ACVR2A: variants seen among roughly 807,000 people sequenced by gnomAD.
ACVR2A encodes the protein activin A receptor type 2A.
ACVR2A carries 7 observed loss-of-function variants against 61.4 expected under a neutral mutation model. The ratio of observed to expected loss-of-function variants is 0.11; its 90% confidence interval spans 0.06 to 0.21. ACVR2A has a LOEUF of 0.21. Ranked by LOEUF, ACVR2A falls within the 10% of genes least tolerant of loss-of-function variation. ACVR2A has a pLI of 1.00. For missense variants in ACVR2A, 322 were observed against 621.7 expected, an observed-to-expected ratio of 0.52 and a Z score of 5.13; for synonymous variants, 193 against 208.3, an observed-to-expected ratio of 0.93 and a Z score of 0.63.
chr2:147,862,811 T>G (rs951347658), intron 1 of ACVR2A, among the ~76,000 whole-genome samples: 1 of 152,142 alleles, frequency 6.6e-6, no homozygotes, highest in Non-Finnish European at 1.5e-5. Flanking sequence ...GTGCCAGAAT[T>G]TTACATTATT....
chr2:147,857,679 C>G (rs1052671311), intron 1 of ACVR2A, among the ~76,000 whole-genome samples: 1 of 152,024 alleles, frequency 6.6e-6, no homozygotes, highest in Non-Finnish European at 1.5e-5. Context: ...TTGTGCCTGT[C>G]TACCACAGTA....
At chr2:147,845,348 G>GGCCCCCCCCCCCCCCCC (rs1685281662) in intron 1 of ACVR2A, 141 bp downstream of exon 1, 1 of 231,112 alleles carries the variant, frequency 4.3e-6, no homozygotes, top group Non-Finnish European at 6.9e-6. Context: ...GGCTGCCACC[G>GGCCCCCCCCCCCCCCCC]CCCCCCCCCC....
At chr2:147,844,707 G>A (rs1407045973), upstream of ACVR2A, 1 of 150,582 alleles carries the variant, frequency 6.6e-6, no homozygotes, top group African/African-American at 2.4e-5. Context: ...TGGGTTGAAG[G>A]TCGGTCCGGA....
intron 1 of ACVR2A, among the ~76,000 whole-genome samples, chr2:147,889,126 CTT>C (rs1686516049): frequency 6.6e-6 from 1 of 151,792 alleles, no homozygotes; most frequent in South Asian, 2.1e-4. Context: ...ATTTTTGAAT[CTT>C]GAGACAGCCA....
chr2:147,872,258 T>G (rs1001736847), intron 1 of ACVR2A, among the ~76,000 whole-genome samples: 3 of 152,028 alleles, frequency 2.0e-5, no homozygotes, highest in Non-Finnish European at 4.4e-5. Context: ...AAGTAAGCCA[T>G]GCGTTGATGC....
chr2:147,859,932 C>A (rs1374377407), intron 1 of ACVR2A, among the ~76,000 whole-genome samples: 1 of 151,992 alleles, frequency 6.6e-6, no homozygotes, highest in Admixed American at 6.6e-5. Flanking sequence ...GTTGTTTTTC[C>A]TGTAGGAAAA....
In ACVR2A at chr2:147,852,690, G is replaced by T. The variant is rs1685476199; in HGVS notation, c.55+7483G>T. 4.6e-5 allele frequency among the ~76,000 whole-genome samples: 7 copies of T among 152,166 alleles called. 1 individual carries two copies. The highest frequency in any genetic ancestry group is 1.7e-4 in the African/African-American group (7 of 41,552). ...GAAACAACATTAGATTGTAATTTTG[G>T]GGAGTTGGGATTTTTTAATTTAGGA... On this transcript the variant is annotated intron_variant, in intron 1 of 10. Coordinates refer to ENST00000241416, the MANE Select transcript of ACVR2A (RefSeq NM_001616.5).
chr2:147,916,026 G>A (rs1344895711), intron 5 of ACVR2A, among the ~76,000 whole-genome samples: 1 of 151,844 alleles, frequency 6.6e-6, no homozygotes, highest in African/African-American at 2.4e-5. Flanking sequence ...GCTGGATTTG[G>A]TGTTGCAGGC....
Position 147,915,313 on chromosome 2 carries a change from T to G in ACVR2A, c.651T>G (p.Ala217=). ...WKAQLLNEYV[A]VKIFPIQDKQ... is the part of the protein sequence containing the mutation. ...CCCAGTTGCTTAACGAATATGTGGC[T>G]GTCAAAATATTTCCAATACAGGTAT... The change falls in exon 5 of 11, where the codon GCT becomes GCG. Residue 217 remains alanine (A), a synonymous_variant. Coordinates refer to ENST00000241416, the MANE Select transcript of ACVR2A (RefSeq NM_001616.5). The G allele has an allele frequency of 6.2e-7, 1 of 1,612,002 alleles. No individual in the cohort carries two copies. Among genetic ancestry groups the G allele is most frequent in the Non-Finnish European group, 8.5e-7 (1 of 1,178,500 alleles).
At chr2:147,914,738 C>T (rs1185738475) in intron 4 of ACVR2A, among the ~76,000 whole-genome samples, 1 of 151,934 alleles carries the variant, frequency 6.6e-6, no homozygotes, top group African/African-American at 2.4e-5. Context: ...AAAATTTAAA[C>T]AGTCACTGGA....
chr2:147,881,291 T>C (rs1016696884), intron 1 of ACVR2A, among the ~76,000 whole-genome samples: 1 of 152,214 alleles, frequency 6.6e-6, no homozygotes, highest in African/African-American at 2.4e-5. Context: ...GATTTTAAAA[T>C]CAGTGTCTTT....
chr2:147,926,277 AC>A lies in ACVR2A; in HGVS notation c.1347+117del, dbSNP rs556514068. 43 of 1,313,888 alleles carry A rather than the reference AC, an allele frequency of 3.3e-5. No homozygotes were observed. In the African/African-American group the frequency reaches 3.9e-4, roughly 12 times the overall value. The allele number at this position is 1,313,888 out of a possible 1,614,324, so 81.4% of individuals were successfully genotyped here. On this transcript the variant is annotated intron_variant, in intron 10 of 10. Transcript: ENST00000241416. Reference sequence around the variant, plus strand: ...AAGTATTTTCTGGAAGGTGATCTTCACACAGGATATTCTAGAGTTCTAGAGG... The same window carrying A: ...AAGTATTTTCTGGAAGGTGATCTTCAACAGGATATTCTAGAGTTCTAGAGG...
chr2:147,892,104 T>C (rs1454503093), intron 1 of ACVR2A, among the ~76,000 whole-genome samples: 1 of 152,046 alleles, frequency 6.6e-6, no homozygotes. Flanking sequence ...CCTGAGTAGC[T>C]GGGATTACAG....
Position 147,896,386 on chromosome 2 carries a change from T to C in ACVR2A, c.141T>C (p.Val47=), listed in dbSNP as rs761160738. The stretch of plus-strand genomic sequence containing the variant: ...AAGACAGAACCAATCAAACTGGTGT[T>C]GAACCGTGTTATGGTGACAAAGATA... ...WEKDRTNQTG[V]EPCYGDKDKR... The change falls in exon 2 of 11, where the codon GTT becomes GTC. Residue 47 remains valine (V), a synonymous_variant. Transcript: ENST00000241416. 1.4e-5 allele frequency: 23 copies of C among 1,613,904 alleles called. No homozygotes were observed. The highest frequency in any genetic ancestry group is 1.7e-5 in the Non-Finnish European group (20 of 1,179,948).
At chr2:147,889,334 CTT>C (rs1292554233) in intron 1 of ACVR2A, among the ~76,000 whole-genome samples, 1 of 152,002 alleles carries the variant, frequency 6.6e-6, no homozygotes, top group East Asian at 1.9e-4. Flanking sequence ...TGGGAAGTCT[CTT>C]TTGTTTCTGG....
At chr2:147,896,782 A>G (rs1006723361) in intron 2 of ACVR2A, 1 of 278,464 alleles carries the variant, frequency 3.6e-6, no homozygotes, top group Admixed American at 4.6e-5. Context: ...TATTGTTACG[A>G]TTATAAACTT....
chr2:147,885,933 T>G (rs1686420502), intron 1 of ACVR2A, among the ~76,000 whole-genome samples: 1 of 152,062 alleles, frequency 6.6e-6, no homozygotes, highest in Admixed American at 6.6e-5. Flanking sequence ...TGGGAAATCC[T>G]TTGTGTTGAG....
Position 147,928,206 on chromosome 2 carries a change from T to TAAAGC in ACVR2A, c.*934_*938dup. The stretch of plus-strand genomic sequence containing the variant: ...TGTGTTTGGGGAATATTTGAAAATT[T>TAAAGC]AAAGCATGATTTAAAATTTTTTAAA... On this transcript the variant is annotated 3_prime_UTR_variant, in exon 11 of 11. Transcript: ENST00000241416. The TAAAGC allele has an allele frequency of 6.6e-6, 1 of 152,472 alleles. No individual in the cohort carries two copies. Among genetic ancestry groups the TAAAGC allele is most frequent in the Non-Finnish European group, 1.5e-5 (1 of 67,912 alleles). 9.4% of individuals were successfully genotyped at this position (152,472 alleles called of 1,614,324 possible). A position where few individuals can be genotyped will look rare whatever the true frequency, so the allele number is the denominator to read the frequency against.
chr2:147,858,695 C>T (rs529271478), intron 1 of ACVR2A, among the ~76,000 whole-genome samples: 1 of 152,214 alleles, frequency 6.6e-6, no homozygotes, highest in African/African-American at 2.4e-5. Flanking sequence ...AATGGGGGTC[C>T]GCAGACATTT....
Sources: allele counts gnomAD v4.1 joint callset (sites outside exome capture counted in the v4.1 genomes callset), GRCh38; gene constraint gnomAD v4.1.1; transcripts MANE v1.5; gene names NCBI Gene and HGNC (gene_info 2026-07-23, HGNC 2026-07-21).